The following XPR1 variants were observed in gnomAD, a reference collection of about 807,000 sequenced individuals.
The protein encoded by XPR1 is solute carrier family 53 member 1.
In XPR1, 28 loss-of-function variants were observed where a neutral mutation model predicts 87.5. The observed-to-expected ratio is 0.32, with a 90% confidence interval of 0.24 to 0.44. XPR1 has a LOEUF of 0.44. Ranked by LOEUF, XPR1 falls within the 20% of genes least tolerant of loss-of-function variation. The probability of loss-of-function intolerance (pLI) is 1.00; values close to 1 mark genes in which losing one functional copy is unlikely to be tolerated. For missense variants in XPR1, 559 were observed against 862.3 expected, an observed-to-expected ratio of 0.65 and a Z score of 4.41; for synonymous variants, 300 against 306.1, an observed-to-expected ratio of 0.98 and a Z score of 0.21.
intron 11 of XPR1, among the ~76,000 whole-genome samples, chr1:180,838,551 G>T (rs1651387637): frequency 1.3e-5 from 2 of 152,226 alleles, no homozygotes; most frequent in East Asian, 3.9e-4. Flanking sequence ...AGTATTGTGG[G>T]CTTAAGACAT....
intron 2 of XPR1, among the ~76,000 whole-genome samples, chr1:180,734,295 T>G (rs757130951): frequency 2.0e-5 from 3 of 152,192 alleles, no homozygotes; most frequent in Non-Finnish European, 4.4e-5. Context: ...GCAACCATGA[T>G]AGGAGACCAG....
intron 2 of XPR1, among the ~76,000 whole-genome samples, chr1:180,764,474 GT>G (rs1648191415): frequency 6.6e-6 from 1 of 150,376 alleles, no homozygotes; most frequent in African/African-American, 2.4e-5. Flanking sequence ...TTTTGTTTCT[GT>G]TTTTGTTTTT....
intron 1 of XPR1, among the ~76,000 whole-genome samples, chr1:180,658,142 C>G (rs1015759186): frequency 6.6e-6 from 1 of 152,114 alleles, no homozygotes; most frequent in Admixed American, 6.5e-5. Context: ...ATTTTGTATC[C>G]TGCAACTTTA....
In XPR1 at chr1:180,744,654, C is replaced by CTTTTTTTTTTTTTTTTT. The variant is rs71121048; in HGVS notation, c.122-43085_122-43084insTTTTTTTTTTTTTTTTT. Among the ~76,000 whole-genome samples the CTTTTTTTTTTTTTTTTT allele has an allele frequency of 7.5e-4, 77 of 102,386 alleles. 4 individuals are homozygous for CTTTTTTTTTTTTTTTTT. Among genetic ancestry groups the CTTTTTTTTTTTTTTTTT allele is most frequent in the African/African-American group, 1.1e-3 (28 of 24,920 alleles). The allele number at this position is 102,386 out of a possible 152,430, so 67.2% of individuals were successfully genotyped here. On this transcript the variant is annotated intron_variant, in intron 2 of 14. Transcript: ENST00000367590. ...GTTCAGGTTTAGGCACAATTTCTTT[C>CTTTTTTTTTTTTTTTTT]TTTTTTTTTTTTTTGAGACAGAATC...
At chr1:180,847,534 T>C (rs2102185172) in intron 11 of XPR1, among the ~76,000 whole-genome samples, 1 of 152,254 alleles carries the variant, frequency 6.6e-6, no homozygotes, top group East Asian at 1.9e-4. Flanking sequence ...ATTAGTAAAA[T>C]TGAGAGAATA....
chr1:180,837,773 C>T (rs1651352082), intron 11 of XPR1, among the ~76,000 whole-genome samples: 1 of 152,108 alleles, frequency 6.6e-6, no homozygotes, highest in African/African-American at 2.4e-5. Context: ...ATAATTTTAA[C>T]TCATACTGTG....
intron 2 of XPR1, among the ~76,000 whole-genome samples, chr1:180,759,284 A>C (rs1179890575): frequency 6.6e-6 from 1 of 152,202 alleles, no homozygotes; most frequent in Non-Finnish European, 1.5e-5. Flanking sequence ...AACTGAAAGA[A>C]ATAGAGACAC....
intron 11 of XPR1, among the ~76,000 whole-genome samples, chr1:180,852,963 G>A (rs1293987776): frequency 6.6e-6 from 1 of 151,990 alleles, no homozygotes; most frequent in Admixed American, 6.6e-5. Flanking sequence ...TGGGGGTTTT[G>A]GAATGTATCC....
intron 2 of XPR1, among the ~76,000 whole-genome samples, chr1:180,779,024 T>C (rs1286926458): frequency 1.3e-5 from 2 of 152,166 alleles, no homozygotes; most frequent in Admixed American, 6.5e-5. Context: ...GTGAGCTGCT[T>C]TCAGTTCTTT....
chr1:180,728,646 A>T (rs1194337276), intron 2 of XPR1, among the ~76,000 whole-genome samples: 1 of 152,220 alleles, frequency 6.6e-6, no homozygotes, highest in African/African-American at 2.4e-5. Context: ...TTTGAGAAGC[A>T]TTGCTGTATG....
At chr1:180,800,752 G>C (rs1649750957) in intron 3 of XPR1, among the ~76,000 whole-genome samples, 1 of 152,180 alleles carries the variant, frequency 6.6e-6, no homozygotes, top group African/African-American at 2.4e-5. Flanking sequence ...CTAGTAAATA[G>C]ACACGAGGCC....
At chr1:180,875,083 T>G (rs1652618201) in intron 13 of XPR1, among the ~76,000 whole-genome samples, 1 of 152,198 alleles carries the variant, frequency 6.6e-6, no homozygotes, top group Admixed American at 6.5e-5. Flanking sequence ...AACCTTACAC[T>G]GTGCCATAAA....
intron 1 of XPR1, among the ~76,000 whole-genome samples, chr1:180,656,498 T>G (rs371932025): frequency 6.5e-5 from 1 of 15,480 alleles, no homozygotes; most frequent in Non-Finnish European, 1.4e-4. Context: ...ATTTATATAT[T>G]ATATATAATA....
intron 11 of XPR1, among the ~76,000 whole-genome samples, chr1:180,844,720 C>T (rs993871337): frequency 6.6e-6 from 1 of 152,254 alleles, no homozygotes; most frequent in African/African-American, 2.4e-5. Flanking sequence ...GGTTTGGCTC[C>T]TCACTGCAGG....
chr1:180,673,323 G>A (rs1656249291), intron 1 of XPR1, among the ~76,000 whole-genome samples: 1 of 152,092 alleles, frequency 6.6e-6, no homozygotes, highest in African/African-American at 2.4e-5. Context: ...TAATTTTTTA[G>A]ATTGAATAAT....
chr1:180,771,191 A>G (rs1648499284), intron 2 of XPR1, among the ~76,000 whole-genome samples: 1 of 152,152 alleles, frequency 6.6e-6, no homozygotes, highest in African/African-American at 2.4e-5. Flanking sequence ...TAACATTGAT[A>G]TTTAAGATTC....
At chr1:180,799,755 C>G (rs1236500665) in intron 3 of XPR1, among the ~76,000 whole-genome samples, 3 of 152,182 alleles carry the variant, frequency 2.0e-5, no homozygotes, top group Admixed American at 6.5e-5. Context: ...CAGTGCTAGT[C>G]TCTGCTGCCT....
chr1:180,699,663 C>T (rs1250392387), intron 2 of XPR1, among the ~76,000 whole-genome samples: 10 of 125,672 alleles, frequency 8.0e-5, no homozygotes, highest in Admixed American at 8.2e-5. Flanking sequence ...TGAATAGTGC[C>T]GCAGTAAACA....
chr1:180,702,886 G>A (rs1006756347), intron 2 of XPR1, among the ~76,000 whole-genome samples: 6 of 151,756 alleles, frequency 4.0e-5, no homozygotes, highest in African/African-American at 1.5e-4. Context: ...GCTGATATCT[G>A]CACCTCTGAT....
Sources: allele counts gnomAD v4.1 joint callset (sites outside exome capture counted in the v4.1 genomes callset), GRCh38; gene constraint gnomAD v4.1.1; transcripts MANE v1.5; gene names NCBI Gene and HGNC (gene_info 2026-07-23, HGNC 2026-07-21).